Variants in PRR7 observed in about 807,000 individuals in gnomAD.
The protein encoded by PRR7 is proline rich 7, synaptic.
In PRR7, 8 loss-of-function variants were observed where a neutral mutation model predicts 18.5. The ratio of observed to expected loss-of-function variants is 0.43; its 90% CI spans 0.25 to 0.78. The LOEUF (loss-of-function observed/expected upper bound fraction) is 0.78. PRR7 is among the 30% of genes least tolerant of loss of function. PRR7 has a pLI of 0.22. For synonymous variants in PRR7, 221 were observed against 187.7 expected, an observed-to-expected ratio of 1.18 and a Z score of -1.45; for missense variants, 396 against 403.1, an observed-to-expected ratio of 0.98 and a Z score of 0.15.
rs465670 is a variant in PRR7, at chr5:177,450,623, C to T, written c.-324-3333C>T. Among the ~76,000 whole-genome samples, 64,064 of 152,082 alleles carry T rather than the reference C, an allele frequency of 0.42. 14,689 individuals are homozygous for T. Among genetic ancestry groups the T allele is most frequent in the Non-Finnish European group, 0.54 (36,428 of 67,960 alleles). On this transcript the variant is annotated intron_variant, in intron 1 of 3. Transcript: ENST00000323249. This position sits in a 1 kb window ranked among gnomAD's most constrained non-coding sequence, Gnocchi z 6.6. ...GCTGGTAAGGCCGATGGTGCTCGGC[C>T]CTGGCCACCCCGGAACATCCTGGCA...
Position 177,449,952 on chromosome 5 carries a change from G to T in PRR7, c.-325+2992G>T, listed in dbSNP as rs1388696180. Among the ~76,000 whole-genome samples, 1 of 152,110 alleles carries T rather than the reference G, an allele frequency of 6.6e-6. No individual in the cohort carries two copies. Among genetic ancestry groups the T allele is most frequent in the African/African-American group, 2.4e-5 (1 of 41,400 alleles). Reference sequence around the variant, plus strand: ...GTTCCTCTGTGTTGATGTGGGAAGGGTGTAAGGGTGTCACCAGTGGCTCCC... The same window carrying T: ...GTTCCTCTGTGTTGATGTGGGAAGGTTGTAAGGGTGTCACCAGTGGCTCCC... On this transcript the variant is annotated intron_variant, in intron 1 of 3. Transcript: ENST00000323249. This position sits in a 1 kb window ranked among gnomAD's most constrained non-coding sequence, Gnocchi z 4.2.
In PRR7 at chr5:177,449,427, G is replaced by A. The variant is rs1352881135; in HGVS notation, c.-325+2467G>A. Among the ~76,000 whole-genome samples the A allele has an allele frequency of 6.6e-6, 1 of 152,206 alleles. No homozygotes were observed. Among genetic ancestry groups the A allele is most frequent in the Admixed American group, 6.5e-5 (1 of 15,280 alleles). On this transcript the variant is annotated intron_variant, in intron 1 of 3. Coordinates refer to ENST00000323249, the MANE Select transcript of PRR7 (RefSeq NM_030567.5). This position sits in a 1 kb window ranked among gnomAD's most constrained non-coding sequence, Gnocchi z 4.2. Reference sequence around the variant, plus strand: ...TCCAGCTCAGGTATGGGAGTAGCCAGGATGGGATCACATGGCTCGGTGAGG... The same window carrying A: ...TCCAGCTCAGGTATGGGAGTAGCCAAGATGGGATCACATGGCTCGGTGAGG...
chr5:177,455,664 C>T lies in PRR7; in HGVS notation c.428-60C>T. 2 of 1,461,898 alleles carry T rather than the reference C, an allele frequency of 1.4e-6. No individual in the cohort carries two copies. The highest frequency in any genetic ancestry group is 1.8e-6 in the Non-Finnish European group (2 of 1,102,812). The allele number at this position is 1,461,898 out of a possible 1,614,324, so 90.6% of individuals were successfully genotyped here. ...GGGCGCGGGCGGCCCCTGGCCGGGG[C>T]CTCTGCGAGAGGCTGGGAACCGGCG... On this transcript the variant is annotated intron_variant, in intron 3 of 3. Transcript: ENST00000323249. The surrounding 1 kb of genome is among the most constrained non-coding windows in gnomAD (Gnocchi z 6.9).
chr5:177,456,205 A>G lies in PRR7; in HGVS notation c.*84A>G. Reference sequence around the variant, plus strand: ...TTAAATGCTTCCCTGGACTGCGGGGAGGGGCGGGGGGAGGGAGGGATTTCT... The same window carrying G: ...TTAAATGCTTCCCTGGACTGCGGGGGGGGGCGGGGGGAGGGAGGGATTTCT... On this transcript the variant is annotated 3_prime_UTR_variant, in exon 4 of 4. Coordinates refer to ENST00000323249, the MANE Select transcript of PRR7 (RefSeq NM_030567.5). 2.9e-5 allele frequency: 12 copies of G among 417,044 alleles called. No individual in the cohort carries two copies. Among genetic ancestry groups the G allele is most frequent in the South Asian group, 1.3e-4 (4 of 31,634 alleles). The allele number at this position is 417,044 out of a possible 1,614,324, so 25.8% of individuals were successfully genotyped here.
chr5:177,448,830 C>T (rs1236422070), intron 1 of PRR7, among the ~76,000 whole-genome samples: 2 of 152,244 alleles, frequency 1.3e-5, no homozygotes, highest in Admixed American at 6.5e-5. Flanking sequence ...TGGTCCTCGG[C>T]TCATGGGCTC....
rs1231843338 is a variant in PRR7, at chr5:177,454,611, CGGGCTCCGCGGCGGCGGCCG to C, written c.-239-211_-239-192del. 6.6e-6 allele frequency among the ~76,000 whole-genome samples: 1 copy of C among 152,016 alleles called. No individual in the cohort carries two copies. The highest frequency in any genetic ancestry group is 2.4e-5 in the African/African-American group (1 of 41,424). Reference sequence around the variant, plus strand: ...GCCCGCCTCGGCTCCCCTCGGCGCCCGGGCTCCGCGGCGGCGGCCGGGGCTCAGATCGGGGAAACCCTACC... The same window carrying C: ...GCCCGCCTCGGCTCCCCTCGGCGCCCGGGCTCAGATCGGGGAAACCCTACC... On this transcript the variant is annotated intron_variant, in intron 2 of 3. Transcript: ENST00000323249. The surrounding 1 kb of genome is among the most constrained non-coding windows in gnomAD (Gnocchi z 4.7).
rs1385749220 is a variant in PRR7, at chr5:177,454,527, A to AT, written c.-239-301dup. ...AAACCCTTTGGCCCCGGGACTGCGG[A>AT]TGGCGAATCTCTCGTTCGGACTCAG... On this transcript the variant is annotated intron_variant, in intron 2 of 3. Coordinates refer to ENST00000323249, the MANE Select transcript of PRR7 (RefSeq NM_030567.5). The surrounding 1 kb of genome is among the most constrained non-coding windows in gnomAD (Gnocchi z 4.7). Among the ~76,000 whole-genome samples, 1 of 152,116 alleles carries AT rather than the reference A, an allele frequency of 6.6e-6. No individual in the cohort carries two copies. Among genetic ancestry groups the AT allele is most frequent in the Admixed American group, 6.5e-5 (1 of 15,288 alleles).
At chr5:177,448,994 G>A (rs937136849) in intron 1 of PRR7, among the ~76,000 whole-genome samples, 1 of 152,238 alleles carries the variant, frequency 6.6e-6, no homozygotes, top group Non-Finnish European at 1.5e-5. Flanking sequence ...AATGAGTGAG[G>A]CGGGCCAGGG....
chr5:177,451,227 A>G (rs1388160523), intron 1 of PRR7, among the ~76,000 whole-genome samples: 1 of 152,220 alleles, frequency 6.6e-6, no homozygotes, highest in Non-Finnish European at 1.5e-5. Context: ...TGCCCACAGC[A>G]ATGCAGCCAG....
intron 1 of PRR7, among the ~76,000 whole-genome samples, chr5:177,452,801 G>A (rs1479605503): frequency 1.3e-5 from 2 of 152,246 alleles, no homozygotes; most frequent in African/African-American, 2.4e-5. Flanking sequence ...TCAGGGCACA[G>A]AGGGCCCTCT....
At position 177,456,211 on chromosome 5, in the gene PRR7, G is replaced by T; in HGVS notation, c.*90G>T. ...GCTTCCCTGGACTGCGGGGAGGGGC[G>T]GGGGGAGGGAGGGATTTCTTATCCC... is the stretch of plus-strand genomic sequence containing the variant. On this transcript the variant is annotated 3_prime_UTR_variant, in exon 4 of 4. Coordinates refer to ENST00000323249, the MANE Select transcript of PRR7 (RefSeq NM_030567.5). 1.6e-6 allele frequency: 1 copy of T among 621,262 alleles called. No individual in the cohort carries two copies. The allele number at this position is 621,262 out of a possible 1,614,324, so 38.5% of individuals were successfully genotyped here. A position where few individuals can be genotyped will look rare whatever the true frequency, so the allele number is the denominator to read the frequency against.
chr5:177,454,938 C>A lies in PRR7; in HGVS notation c.-130C>A, dbSNP rs989409820. On this transcript the variant is annotated 5_prime_UTR_variant, in exon 3 of 4. Coordinates refer to ENST00000323249, the MANE Select transcript of PRR7 (RefSeq NM_030567.5). This position sits in a 1 kb window ranked among gnomAD's most constrained non-coding sequence, Gnocchi z 4.7. ...CGCGCGCACGACTTGAGACCTGCCA[C>A]GGGCAGCCCCCGGCCGCGGGTCCCC... The A allele has an allele frequency of 1.5e-5, 18 of 1,239,858 alleles. No individual in the cohort carries two copies. In the African/African-American group the frequency reaches 2.5e-4, roughly 17 times the overall value. 76.8% of individuals were successfully genotyped at this position (1,239,858 alleles called of 1,614,324 possible).
rs1418145162 is a variant in PRR7, at chr5:177,455,684, C to A, written c.428-40C>A. On this transcript the variant is annotated intron_variant, in intron 3 of 3. Transcript: ENST00000323249. The surrounding 1 kb of genome is among the most constrained non-coding windows in gnomAD (Gnocchi z 6.9). The stretch of plus-strand genomic sequence containing the variant: ...CGGGGCCTCTGCGAGAGGCTGGGAA[C>A]CGGCGGCCTCACCTCCTCCGACCGC... 1.3e-6 allele frequency: 2 copies of A among 1,507,300 alleles called. No individual in the cohort carries two copies. Among genetic ancestry groups the A allele is most frequent in the South Asian group, 1.3e-5 (1 of 77,444 alleles). 93.4% of individuals were successfully genotyped at this position (1,507,300 alleles called of 1,614,324 possible). A position where few individuals can be genotyped will look rare whatever the true frequency, so the allele number is the denominator to read the frequency against.
At position 177,455,147 on chromosome 5, in the gene PRR7, T is replaced by C; in HGVS notation, c.80T>C (p.Leu27Pro). 2 of 1,570,584 alleles carry C rather than the reference T, an allele frequency of 1.3e-6. No homozygotes were observed. Among genetic ancestry groups the C allele is most frequent in the Non-Finnish European group, 1.7e-6 (2 of 1,162,516 alleles). ...FWLIWGLIVL[L>P]CCFCSFLRRR... is the part of the protein sequence containing the mutation. ...CTCATCTGGGGTCTCATCGTCCTGC[T>C]CTGCTGCTTCTGCAGCTTCCTGCGC... Residue 27 changes from leucine (L) to proline (P), a missense_variant, in exon 3 of 4, where the codon CTC becomes CCC. Physicochemically the swap from Leu to Pro is moderately conservative, Grantham distance 98 (BLOSUM62 -3). Coordinates refer to ENST00000323249, the MANE Select transcript of PRR7 (RefSeq NM_030567.5). This position sits in a 1 kb window ranked among gnomAD's most constrained non-coding sequence, Gnocchi z 6.9.
rs1756087173 is a variant in PRR7 at position 177,449,554 on chromosome 5, C to T, written c.-325+2594C>T. 6.6e-6 allele frequency among the ~76,000 whole-genome samples: 1 copy of T among 152,210 alleles called. No individual in the cohort carries two copies. Among genetic ancestry groups the T allele is most frequent in the South Asian group, 2.1e-4 (1 of 4,838 alleles). ...CCATCACGCCCGTGGGGCCGCCTCC[C>T]CTGGGAGGTCAGATCATTATTTCCA... On this transcript the variant is annotated intron_variant, in intron 1 of 3. Transcript: ENST00000323249. This position sits in a 1 kb window ranked among gnomAD's most constrained non-coding sequence, Gnocchi z 4.2.
chr5:177,456,226 TTTC>T lies in PRR7; in HGVS notation c.*108_*110del. On this transcript the variant is annotated 3_prime_UTR_variant, in exon 4 of 4. Transcript: ENST00000323249. ...GGGGAGGGGCGGGGGGAGGGAGGGA[TTTC>T]TTATCCCGTTTGTTACATTTTGAGG... 1.2e-6 allele frequency: 1 copy of T among 854,986 alleles called. No individual in the cohort carries two copies. Among genetic ancestry groups the T allele is most frequent in the Non-Finnish European group, 1.7e-6 (1 of 591,690 alleles). 53.0% of individuals were successfully genotyped at this position (854,986 alleles called of 1,614,324 possible).
In PRR7 at chr5:177,455,869, G is replaced by A; in HGVS notation, c.573G>A (p.Ala191=). ...CCTTCCTGAGTCGCCGCGACAGCGC[G>A]GAGAAGCAGGAGCAGCCGCCTCCCA... is the stretch of plus-strand genomic sequence containing the variant. ...VTPFLSRRDS[A]EKQEQPPPSY... Residue 191 remains alanine, a synonymous_variant, in exon 4 of 4, where the codon GCG becomes GCA. Coordinates refer to ENST00000323249, the MANE Select transcript of PRR7 (RefSeq NM_030567.5). This position sits in a 1 kb window ranked among gnomAD's most constrained non-coding sequence, Gnocchi z 6.9. 6.2e-7 allele frequency: 1 copy of A among 1,611,374 alleles called. No homozygotes were observed. Among genetic ancestry groups the A allele is most frequent in the Non-Finnish European group, 8.5e-7 (1 of 1,179,676 alleles).
Position 177,447,247 on chromosome 5 carries a change from C to T in PRR7, c.-325+287C>T, listed in dbSNP as rs576739071. Among the ~76,000 whole-genome samples, 33 of 152,182 alleles carry T rather than the reference C, an allele frequency of 2.2e-4. No individual in the cohort carries two copies. The South Asian group carries it at 3.9e-3, about 18-fold the overall frequency. On this transcript the variant is annotated intron_variant, in intron 1 of 3. Transcript: ENST00000323249. ...CGGCAACACGACTGCGGGGCGGCGA[C>T]GCCCCCTCCCCCTCCCTCCCCCCTC...
rs772737417 is a variant in PRR7 at position 177,455,277 on chromosome 5, G to A, written c.210G>A (p.Pro70=). 8 of 1,516,860 alleles carry A rather than the reference G, an allele frequency of 5.3e-6. No individual in the cohort carries two copies. Among genetic ancestry groups the A allele is most frequent in the Non-Finnish European group, 7.0e-6 (8 of 1,140,858 alleles). The allele number at this position is 1,516,860 out of a possible 1,614,324, so 94.0% of individuals were successfully genotyped here. A position where few individuals can be genotyped will look rare whatever the true frequency, so the allele number is the denominator to read the frequency against. The change falls in exon 3 of 4, where the codon CCG becomes CCA. Residue 70 remains proline, a synonymous_variant. Transcript: ENST00000323249. The surrounding 1 kb of genome is among the most constrained non-coding windows in gnomAD (Gnocchi z 6.9). ...AGGGCAGTCTGGCCGGGAGCCCCCC[G>A]GGCCTGGCGCCGCCGCAGCCACCAC... ...ELEGSLAGSP[P]GLAPPQPPPH...
Sources: allele counts gnomAD v4.1 joint callset (sites outside exome capture counted in the v4.1 genomes callset), GRCh38; gene constraint gnomAD v4.1.1; non-coding constraint Gnocchi (gnomAD v3.1); transcripts MANE v1.5; gene names NCBI Gene and HGNC (gene_info 2026-07-23, HGNC 2026-07-21).